CADPS: variants seen among roughly 807,000 people sequenced by gnomAD.
CADPS encodes the protein calcium dependent secretion activator.
CADPS carries 57 observed loss-of-function variants against 167.3 expected under a neutral mutation model. That is an observed-to-expected ratio of 0.34 (90% CI 0.28 to 0.42). The LOEUF is 0.42. CADPS is among the 20% of genes least tolerant of loss of function. CADPS has a pLI of 1.00. For synonymous variants in CADPS, 676 were observed against 635.3 expected (o/e 1.06, Z -0.96); for missense variants, 1,414 against 1,738.1 (o/e 0.81, Z 3.32).
At chr3:62,839,243 G>A (rs969116937) in intron 1 of CADPS, among the ~76,000 whole-genome samples, 2 of 152,070 alleles carry the variant, frequency 1.3e-5, no homozygotes, top group African/African-American at 2.4e-5. Flanking sequence ...CACCCAGGTT[G>A]GAGTGCAGTG....
intron 7 of CADPS, among the ~76,000 whole-genome samples, chr3:62,586,747 T>C (rs1379665294): frequency 1.3e-5 from 2 of 152,210 alleles, no homozygotes; most frequent in Non-Finnish European, 2.9e-5. Flanking sequence ...TTTAGTACAA[T>C]GTTGTTGAGC....
intron 6 of CADPS, among the ~76,000 whole-genome samples, chr3:62,614,687 A>G (rs143642955): frequency 2.3e-4 from 35 of 151,984 alleles, no homozygotes; most frequent in African/African-American, 7.2e-4. Context: ...TGCATGATGT[A>G]TATGCATATA....
chr3:62,830,780 TGATTA>T (rs1367911837), intron 1 of CADPS, among the ~76,000 whole-genome samples: 1 of 152,174 alleles, frequency 6.6e-6, no homozygotes, highest in East Asian at 1.9e-4. Flanking sequence ...TGTGGAGACT[TGATTA>T]GATTATTCTT....
chr3:62,478,468 A>T lies in CADPS; in HGVS notation c.3174-52T>A, dbSNP rs1238128920. The T allele has an allele frequency of 6.5e-7, 1 of 1,534,372 alleles. No homozygotes were observed. ...GAGTCACCCACTGGCCTCAGGCTCTACAAAAACTAACACAGAGACAACTGG... is the reference window on the plus strand; with the variant it reads ...GAGTCACCCACTGGCCTCAGGCTCTTCAAAAACTAACACAGAGACAACTGG... On this transcript the variant is annotated intron_variant, in intron 22 of 29. Transcript: ENST00000383710. The surrounding 1 kb of genome is among the most constrained non-coding windows in gnomAD (Gnocchi z 5.7).
intron 3 of CADPS, among the ~76,000 whole-genome samples, chr3:62,749,867 C>T (rs556257539): frequency 2.3e-4 from 35 of 152,292 alleles, no homozygotes; most frequent in African/African-American, 7.7e-4. Context: ...AGCCTCAGTG[C>T]GTCAGGGCAC....
At position 62,420,054 on chromosome 3, in the gene CADPS, CA is replaced by C. The variant is rs2050972309; in HGVS notation, c.3778-16870del. On this transcript the variant is annotated intron_variant, in intron 28 of 29. Transcript: ENST00000383710. This position sits in a 1 kb window ranked among gnomAD's most constrained non-coding sequence, Gnocchi z 4.1. Reference sequence around the variant, plus strand: ...GGTTTTCATCATTACTCTCAACATACAAAAGCATGGTCTATGTATGTACATA... The same window carrying C: ...GGTTTTCATCATTACTCTCAACATACAAAGCATGGTCTATGTATGTACATA... Among the ~76,000 whole-genome samples the C allele has an allele frequency of 6.6e-6, 1 of 152,072 alleles. No homozygotes were observed. Among genetic ancestry groups the C allele is most frequent in the Admixed American group, 6.5e-5 (1 of 15,268 alleles).
At chr3:62,610,770 G>A (rs901438443) in intron 6 of CADPS, among the ~76,000 whole-genome samples, 2 of 151,914 alleles carry the variant, frequency 1.3e-5, no homozygotes, top group African/African-American at 4.8e-5. Flanking sequence ...TCACTAGCCA[G>A]GCCTCCTCAG....
intron 3 of CADPS, among the ~76,000 whole-genome samples, chr3:62,727,574 G>T (rs954805448): frequency 2.6e-5 from 4 of 151,824 alleles, no homozygotes; most frequent in Non-Finnish European, 4.4e-5. Flanking sequence ...GTCTGTGAAA[G>T]TGTGCAATGC....
intron 17 of CADPS, among the ~76,000 whole-genome samples, chr3:62,510,082 C>G (rs529423775): frequency 6.8e-4 from 103 of 152,224 alleles, no homozygotes; most frequent in African/African-American, 2.5e-3. Flanking sequence ...TTCTCTCTTT[C>G]TCTCCCCACC....
At chr3:62,723,958 G>A (rs1018760658) in intron 3 of CADPS, among the ~76,000 whole-genome samples, 5 of 152,214 alleles carry the variant, frequency 3.3e-5, no homozygotes, top group Non-Finnish European at 5.9e-5. Context: ...ACTGGGTGGA[G>A]GGTGTCACAG....
At chr3:62,687,000 C>G (rs35941950) in intron 3 of CADPS, among the ~76,000 whole-genome samples, 9,672 of 152,138 alleles carry the variant, frequency 0.064, 365 homozygotes, top group South Asian at 0.094. Context: ...ATGATGGTGA[C>G]AGCTGTGGGC....
intron 3 of CADPS, among the ~76,000 whole-genome samples, chr3:62,714,921 A>G (rs1300569887): frequency 5.3e-5 from 8 of 152,190 alleles, no homozygotes; most frequent in Admixed American, 5.2e-4. Context: ...TTAAATTTAA[A>G]CAAAGTTTCA....
chr3:62,856,263 A>G (rs2079662092), intron 1 of CADPS, among the ~76,000 whole-genome samples: 1 of 152,182 alleles, frequency 6.6e-6, no homozygotes, highest in South Asian at 2.1e-4. Context: ...AAATGTTACA[A>G]TTTACTTAGG....
At position 62,529,948 on chromosome 3, in the gene CADPS, A is replaced by G. The variant is rs529363247; in HGVS notation, c.2291+2923T>C. On this transcript the variant is annotated intron_variant, in intron 13 of 29. Transcript: ENST00000383710. Reference sequence around the variant, plus strand: ...TAAAAGGTGAAGAAGGGCACAGAATAAAACTGGAAATAATTAGTAAACCTA... The same window carrying G: ...TAAAAGGTGAAGAAGGGCACAGAATGAAACTGGAAATAATTAGTAAACCTA... Among the ~76,000 whole-genome samples the G allele has an allele frequency of 1.3e-3, 192 of 152,350 alleles. 1 individual carries two copies. Among genetic ancestry groups the G allele is most frequent in the Admixed American group, 3.3e-3 (50 of 15,296 alleles).
intron 1 of CADPS, among the ~76,000 whole-genome samples, chr3:62,846,783 C>A (rs1240674745): frequency 6.6e-6 from 1 of 152,118 alleles, no homozygotes; most frequent in Non-Finnish European, 1.5e-5. Flanking sequence ...TTTGATTCAG[C>A]CTCCAGAGTA....
intron 6 of CADPS, among the ~76,000 whole-genome samples, chr3:62,609,388 G>T (rs980186885): frequency 6.6e-6 from 1 of 152,196 alleles, no homozygotes; most frequent in South Asian, 2.1e-4. Flanking sequence ...TGTTTGTCAG[G>T]TGCTCTGTTT....
In CADPS at chr3:62,753,813, T is replaced by C. The variant is rs1209309936; in HGVS notation, c.556-40A>G. On this transcript the variant is annotated intron_variant, in intron 2 of 29. Transcript: ENST00000383710. This position sits in a 1 kb window ranked among gnomAD's most constrained non-coding sequence, Gnocchi z 4.6. ...GGCCAGGAAAGACAGTAGGAGAGTT[T>C]ACCACAGAGGTACCAGTTCCCTGGG... is the stretch of plus-strand genomic sequence containing the variant. 9 of 1,561,668 alleles carry C rather than the reference T, an allele frequency of 5.8e-6. No individual in the cohort carries two copies. Among genetic ancestry groups the C allele is most frequent in the Middle Eastern group, 3.5e-4 (2 of 5,796 alleles).
At chr3:62,825,207 G>A (rs996929342) in intron 1 of CADPS, among the ~76,000 whole-genome samples, 33 of 152,096 alleles carry the variant, frequency 2.2e-4, no homozygotes, top group Non-Finnish European at 2.9e-5. Context: ...ATGGGTGGGA[G>A]GGGCACCTTT....
chr3:62,823,005 A>G (rs1434775214), intron 1 of CADPS, among the ~76,000 whole-genome samples: 2 of 152,186 alleles, frequency 1.3e-5, no homozygotes, highest in Non-Finnish European at 2.9e-5. Context: ...TTGACTGACA[A>G]TAGTCAGAAA....
Sources: gnomAD v4.1 joint callset for allele counts (sites outside exome capture counted in the v4.1 genomes callset) on GRCh38, gnomAD v4.1.1 for gene constraint, Gnocchi (gnomAD v3.1) non-coding constraint, MANE v1.5 for transcripts, NCBI Gene and HGNC (gene_info 2026-07-23, HGNC 2026-07-21) for gene names.